Variants in DENND1A observed in about 807,000 individuals in gnomAD.
DENND1A encodes DENN domain-containing protein 1A.
A neutral mutation model predicts 113.7 loss-of-function variants in DENND1A; 51 were observed. That is an observed-to-expected ratio of 0.45 (90% CI 0.36 to 0.57). The LOEUF is 0.57. Among genes scored for constraint, DENND1A ranks in the 20% least tolerant of loss-of-function variants. The pLI, the probability that DENND1A is intolerant of heterozygous loss-of-function variation, is 0.00. For synonymous variants in DENND1A, 565 were observed against 570.8 expected (o/e 0.99, Z 0.14); for missense variants, 1,258 against 1,395.9 (o/e 0.90, Z 1.57).
intron 13 of DENND1A, among the ~76,000 whole-genome samples, chr9:123,514,065 GGTGTGT>G (rs775882728): frequency 3.7e-5 from 4 of 109,298 alleles, no homozygotes; most frequent in African/African-American, 1.1e-4. Context: ...TCTATTTTGA[GGTGTGT>G]GTGTGTGTGT....
At chr9:123,648,682 G>T (rs2062472381) in intron 9 of DENND1A, among the ~76,000 whole-genome samples, 1 of 151,970 alleles carries the variant, frequency 6.6e-6, no homozygotes, top group South Asian at 2.1e-4. Flanking sequence ...GTATATTTTG[G>T]ACCACCTTTA....
At chr9:123,793,148 A>G (rs1261918281) in intron 2 of DENND1A, among the ~76,000 whole-genome samples, 3 of 152,214 alleles carry the variant, frequency 2.0e-5, no homozygotes, top group African/African-American at 7.2e-5. Context: ...AAATGCAGAT[A>G]AAACTGGATG....
intron 3 of DENND1A, among the ~76,000 whole-genome samples, chr9:123,781,024 G>C (rs1831228073): frequency 6.6e-6 from 1 of 152,182 alleles, no homozygotes; most frequent in South Asian, 2.1e-4. Context: ...CTAAAGGATG[G>C]AGATTGAGAA....
chr9:123,410,383 T>G (rs888461507), intron 20 of DENND1A, among the ~76,000 whole-genome samples: 1 of 152,208 alleles, frequency 6.6e-6, no homozygotes, highest in African/African-American at 2.4e-5. Flanking sequence ...GTGTCTTCTT[T>G]CCAGTGACAG....
chr9:123,420,451 G>A lies in DENND1A; in HGVS notation c.1489-8622C>T, dbSNP rs547037559. 5.3e-5 allele frequency among the ~76,000 whole-genome samples: 8 copies of A among 152,260 alleles called. No homozygotes were observed. The South Asian group carries it at 1.2e-3, about 24-fold the overall frequency. ...ATGAGGGGGTGCTCAGGATCGAAGG[G>A]GGTCCGGGAAGAAAAGCCGCAGCAC... is the stretch of plus-strand genomic sequence containing the variant. On this transcript the variant is annotated intron_variant, in intron 19 of 23. Transcript: ENST00000394215.
At chr9:123,705,747 C>T (rs765419400) in intron 5 of DENND1A, among the ~76,000 whole-genome samples, 8 of 152,142 alleles carry the variant, frequency 5.3e-5, no homozygotes, top group Non-Finnish European at 1.2e-4. Flanking sequence ...TCATTCCAGA[C>T]TTATCTGTAT....
chr9:123,769,453 A>T, intron 4 of DENND1A, 61 bp downstream of exon 4: 1 of 1,411,392 alleles, frequency 7.1e-7, no homozygotes. Flanking sequence ...TATGGTTTTT[A>T]TTTTCTATAG....
intron 19 of DENND1A, among the ~76,000 whole-genome samples, chr9:123,434,031 A>C (rs967361986): frequency 6.6e-6 from 1 of 152,232 alleles, no homozygotes; most frequent in Non-Finnish European, 1.5e-5. Flanking sequence ...TTTGGAAACA[A>C]AATCCTTTTT....
At chr9:123,863,057 T>A (rs1043965973) in intron 2 of DENND1A, among the ~76,000 whole-genome samples, 4 of 152,218 alleles carry the variant, frequency 2.6e-5, no homozygotes, top group Admixed American at 6.5e-5. Flanking sequence ...TTTTATAGCA[T>A]TTTTAGCATG....
intron 2 of DENND1A, among the ~76,000 whole-genome samples, chr9:123,819,365 AC>A (rs1315259487): frequency 6.6e-6 from 1 of 152,166 alleles, no homozygotes; most frequent in African/African-American, 2.4e-5. Flanking sequence ...AAATTCAGAA[AC>A]TGAATACTAT....
chr9:123,459,317 G>A (rs10986021), intron 13 of DENND1A, among the ~76,000 whole-genome samples: 2,961 of 152,320 alleles, frequency 0.019, 48 homozygotes, highest in Non-Finnish European at 0.027. Flanking sequence ...AACATCCCAG[G>A]CATCTTTGCA....
intron 13 of DENND1A, among the ~76,000 whole-genome samples, chr9:123,468,679 C>T (rs564783325): frequency 1.4e-3 from 210 of 152,262 alleles, no homozygotes; most frequent in Non-Finnish European, 2.6e-3. Flanking sequence ...GGTGAGGTCC[C>T]GGCCAACATG....
chr9:123,887,486 T>C (rs1440076345), intron 1 of DENND1A, among the ~76,000 whole-genome samples: 1 of 151,494 alleles, frequency 6.6e-6, no homozygotes, highest in East Asian at 1.9e-4. Context: ...CCTGGGGTGT[T>C]GAAGCACAGG....
At position 123,620,232 on chromosome 9, in the gene DENND1A, A is replaced by AAAAAAAAAAAAAAAAAG. The variant is rs1554916729; in HGVS notation, c.719+10143_719+10144insCTTTTTTTTTTTTTTTT. ...CCATCTCAAAAAAAAAAAAAAAAAAAAAAAAAGAAAAGAAAAAGAAAAAAA... is the reference window on the plus strand; with the variant it reads ...CCATCTCAAAAAAAAAAAAAAAAAAAAAAAAAAAAAAAAAAAGAAAAAAGAAAAGAAAAAGAAAAAAA... On this transcript the variant is annotated intron_variant, in intron 10 of 23. Transcript: ENST00000394215. Among the ~76,000 whole-genome samples, 168 of 114,252 alleles carry AAAAAAAAAAAAAAAAAG rather than the reference A, an allele frequency of 1.5e-3. 1 individual carries two copies. Among genetic ancestry groups the AAAAAAAAAAAAAAAAAG allele is most frequent in the African/African-American group, 4.1e-3 (110 of 26,768 alleles). The allele number at this position is 114,252 out of a possible 152,430, so 75.0% of individuals were successfully genotyped here.
intron 1 of DENND1A, among the ~76,000 whole-genome samples, chr9:123,901,292 G>C (rs1851582558): frequency 6.6e-6 from 1 of 152,176 alleles, no homozygotes; most frequent in Non-Finnish European, 1.5e-5. Flanking sequence ...CATCAGCGGA[G>C]AGATGAGTGC....
chr9:123,416,634 A>G (rs550807891), intron 19 of DENND1A, among the ~76,000 whole-genome samples: 4 of 152,200 alleles, frequency 2.6e-5, no homozygotes, highest in African/African-American at 9.7e-5. Flanking sequence ...GGAGAGTTCA[A>G]TTCGACAGTT....
At chr9:123,888,097 C>A (rs1849364799) in intron 1 of DENND1A, among the ~76,000 whole-genome samples, 1 of 152,152 alleles carries the variant, frequency 6.6e-6, no homozygotes, top group Admixed American at 6.5e-5. Flanking sequence ...CAATTCTCCT[C>A]TAAAAGGAAC....
intron 2 of DENND1A, among the ~76,000 whole-genome samples, chr9:123,797,080 A>C (rs1833896088): frequency 6.6e-6 from 1 of 152,188 alleles, no homozygotes; most frequent in African/African-American, 2.4e-5. Flanking sequence ...TGCCCGCTGA[A>C]TTTACCCAAT....
At chr9:123,681,008 G>A (rs1172535800) in intron 5 of DENND1A, among the ~76,000 whole-genome samples, 1 of 152,102 alleles carries the variant, frequency 6.6e-6, no homozygotes, top group African/African-American at 2.4e-5. Flanking sequence ...CCAAGTGGGA[G>A]GAGAAGGGTG....
Sources: gnomAD v4.1 joint callset for allele counts (sites outside exome capture counted in the v4.1 genomes callset) on GRCh38, gnomAD v4.1.1 for gene constraint, MANE v1.5 for transcripts, NCBI Gene and HGNC (gene_info 2026-07-23, HGNC 2026-07-21) for gene names.